The following EYA4 variants were observed in gnomAD, a reference collection of about 807,000 sequenced individuals.
The protein encoded by EYA4 is EYA transcriptional coactivator and phosphatase 4.
In EYA4, 31 loss-of-function variants were observed where a neutral mutation model predicts 87.9. That is an observed-to-expected ratio of 0.35 (90% confidence interval 0.27 to 0.48). The LOEUF is 0.48. Ranked by LOEUF, EYA4 falls within the 20% of genes least tolerant of loss-of-function variation. EYA4 has a pLI of 0.99. For synonymous variants in EYA4, 263 were observed against 270.6 expected, an observed-to-expected ratio of 0.97 and a Z score of 0.28; for missense variants, 678 against 761.4, an observed-to-expected ratio of 0.89 and a Z score of 1.29.
At chr6:133,281,866 T>C (rs569422405) in intron 2 of EYA4, among the ~76,000 whole-genome samples, 140 of 152,150 alleles carry the variant, frequency 9.2e-4, no homozygotes, top group African/African-American at 3.0e-3. Flanking sequence ...TGAGAACATG[T>C]GGTATTTGTT....
intron 2 of EYA4, among the ~76,000 whole-genome samples, chr6:133,279,529 G>A (rs1044100724): frequency 9.6e-4 from 146 of 152,100 alleles, no homozygotes; most frequent in African/African-American, 3.1e-3. Flanking sequence ...TCATAGACAT[G>A]TTTCAGTAAT....
chr6:133,281,443 A>G (rs569606239), intron 2 of EYA4, among the ~76,000 whole-genome samples: 8 of 152,228 alleles, frequency 5.3e-5, no homozygotes, highest in Non-Finnish European at 8.8e-5. Context: ...GTAAGCGAGA[A>G]CATGTGATAT....
chr6:133,497,050 T>G (rs533574835), intron 13 of EYA4, among the ~76,000 whole-genome samples: 1 of 152,322 alleles, frequency 6.6e-6, no homozygotes, highest in African/African-American at 2.4e-5. Context: ...TATCATTTTT[T>G]TACTGGTTAC....
intron 2 of EYA4, among the ~76,000 whole-genome samples, chr6:133,321,877 C>G (rs901794960): frequency 6.6e-6 from 1 of 152,198 alleles, no homozygotes; most frequent in Non-Finnish European, 1.5e-5. Flanking sequence ...GGCTCATGGT[C>G]TCAGGAGCCA....
intron 2 of EYA4, among the ~76,000 whole-genome samples, chr6:133,294,234 G>A (rs1445304318): frequency 2.0e-5 from 3 of 150,554 alleles, no homozygotes; most frequent in African/African-American, 7.3e-5. Flanking sequence ...ATCCTCCTAA[G>A]TAGTGTGTTT....
intron 1 of EYA4, among the ~76,000 whole-genome samples, chr6:133,256,151 T>TA (rs201086147): frequency 0.024 from 3,584 of 151,486 alleles, 121 homozygotes; most frequent in African/African-American, 0.079. Flanking sequence ...GTAATCGGAA[T>TA]ACTCCACTAT....
At chr6:133,247,337 T>G (rs373872171) in intron 1 of EYA4, 2 of 152,364 alleles carry the variant, frequency 1.3e-5, no homozygotes, top group East Asian at 3.9e-4. Context: ...GAATCTTCCT[T>G]TGCTCTTCAA....
At chr6:133,515,610 AGTGT>A (rs1033752816) in intron 17 of EYA4, among the ~76,000 whole-genome samples, 175 bp downstream of exon 17, 2 of 131,500 alleles carry the variant, frequency 1.5e-5, no homozygotes, top group Non-Finnish European at 3.1e-5. Flanking sequence ...AGAGAGAGAG[AGTGT>A]GTGTGTGAGT....
chr6:133,244,131 T>C (rs1227117292), intron 1 of EYA4, among the ~76,000 whole-genome samples: 1 of 152,222 alleles, frequency 6.6e-6, no homozygotes, highest in Non-Finnish European at 1.5e-5. Flanking sequence ...TGTACTTGTC[T>C]TTCATAATAA....
intron 2 of EYA4, among the ~76,000 whole-genome samples, chr6:133,299,941 ATCTATCTATC>A (rs1562263864): frequency 3.7e-5 from 5 of 136,306 alleles, no homozygotes; most frequent in Non-Finnish European, 6.3e-5. Context: ...CTATCTATCT[ATCTATCTATC>A]TATCTATATA....
chr6:133,337,252 C>A (rs375188619), intron 2 of EYA4, among the ~76,000 whole-genome samples: 1 of 151,946 alleles, frequency 6.6e-6, no homozygotes, highest in African/African-American at 2.4e-5. Context: ...GGAGGCTATG[C>A]GGTAGACCTG....
At chr6:133,292,913 A>G (rs937077169) in intron 2 of EYA4, among the ~76,000 whole-genome samples, 48 of 152,174 alleles carry the variant, frequency 3.2e-4, no homozygotes, top group Non-Finnish European at 4.9e-4. Flanking sequence ...AATTAGAGTA[A>G]ACTAAGGATC....
intron 3 of EYA4, among the ~76,000 whole-genome samples, chr6:133,387,024 A>G (rs1303272183): frequency 6.6e-6 from 1 of 152,154 alleles, no homozygotes; most frequent in Non-Finnish European, 1.5e-5. Context: ...CCAATTATTA[A>G]GAGAAAGGCA....
intron 3 of EYA4, among the ~76,000 whole-genome samples, chr6:133,430,249 G>C (rs1157393907): frequency 1.3e-5 from 2 of 152,156 alleles, no homozygotes; most frequent in Non-Finnish European, 2.9e-5. Context: ...TTAAAGAAGA[G>C]AATATTGTTT....
intron 1 of EYA4, among the ~76,000 whole-genome samples, chr6:133,256,187 G>C (rs192539740): frequency 1.3e-5 from 2 of 150,608 alleles, no homozygotes; most frequent in African/African-American, 4.9e-5. Context: ...TTCTATTAAC[G>C]ATATATATTT....
intron 3 of EYA4, among the ~76,000 whole-genome samples, chr6:133,438,590 G>T (rs748213774): frequency 3.5e-4 from 53 of 151,392 alleles, no homozygotes; most frequent in African/African-American, 1.1e-3. Context: ...CTTTATGGAC[G>T]CTTACTGTAC....
At chr6:133,250,824 A>G (rs9389059) in intron 1 of EYA4, among the ~76,000 whole-genome samples, 21,669 of 152,084 alleles carry the variant, frequency 0.14, 1,983 homozygotes, top group Non-Finnish European at 0.2. Flanking sequence ...ATGAGTAAAT[A>G]TATGTAAATA....
chr6:133,388,936 CCTT>C (rs922291021), intron 3 of EYA4, among the ~76,000 whole-genome samples: 14 of 152,304 alleles, frequency 9.2e-5, no homozygotes, highest in African/African-American at 3.1e-4. Flanking sequence ...CCGCCCACGT[CCTT>C]CTGCTTCTGC....
chr6:133,431,534 T>G (rs764416527), intron 3 of EYA4, among the ~76,000 whole-genome samples: 8 of 152,240 alleles, frequency 5.3e-5, no homozygotes, highest in Non-Finnish European at 1.0e-4. Context: ...AATCATTCAG[T>G]TGATGCTAGT....
Sources: allele counts gnomAD v4.1 joint callset (sites outside exome capture counted in the v4.1 genomes callset), GRCh38; gene constraint gnomAD v4.1.1; transcripts MANE v1.5; gene names NCBI Gene and HGNC (gene_info 2026-07-23, HGNC 2026-07-21).